Variants in CXCL12 observed in about 807,000 individuals in gnomAD.
The protein encoded by CXCL12 is C-X-C motif chemokine ligand 12, also known as stromal cell-derived factor 1.
In CXCL12, 4 loss-of-function variants were observed where a neutral mutation model predicts 10.7. The observed-to-expected ratio is 0.37, with a 90% confidence interval of 0.18 to 0.86. CXCL12 has a LOEUF of 0.86. Ranked by LOEUF, CXCL12 falls within the 40% of genes least tolerant of loss-of-function variation. CXCL12 has a pLI of 0.43. For missense variants in CXCL12, 122 were observed against 110.4 expected (o/e 1.10, Z -0.47); for synonymous variants, 54 against 45.4 (o/e 1.19, Z -0.77).
chr10:44,383,512 T>C (rs1157329904), intron 1 of CXCL12, among the ~76,000 whole-genome samples: 1 of 144,420 alleles, frequency 6.9e-6, no homozygotes, highest in Non-Finnish European at 1.5e-5. Context: ...ACCTCCGCGC[T>C]CATCCCACCA....
Position 44,380,555 on chromosome 10 carries a change from T to G in CXCL12, c.179+208A>C, listed in dbSNP as rs193171525. On this transcript the variant is annotated intron_variant, in intron 2 of 2. Coordinates refer to ENST00000343575, the MANE Select transcript of CXCL12 (RefSeq NM_199168.4). ...GAGAACTACTACGAGCACAGCAGGG[T>G]GCCCAGGCCAAGAGCGGCTTTTAAA... The G allele has an allele frequency of 9.2e-5, 53 of 577,654 alleles. 1 individual carries two copies. The highest frequency in any genetic ancestry group is 8.2e-4 in the African/African-American group (44 of 53,642). 35.8% of individuals were successfully genotyped at this position (577,654 alleles called of 1,614,324 possible). A position where few individuals can be genotyped will look rare whatever the true frequency, so the allele number is the denominator to read the frequency against.
downstream of CXCL12, chr10:44,373,422 G>C: frequency 7.7e-7 from 1 of 1,297,162 alleles, no homozygotes; most frequent in Non-Finnish European, 1.1e-6. Flanking sequence ...ACAGCGGCCT[G>C]CGCGGAGGCC....
chr10:44,382,246 C>G (rs1267949494), intron 1 of CXCL12, among the ~76,000 whole-genome samples: 1 of 152,222 alleles, frequency 6.6e-6, no homozygotes, highest in Non-Finnish European at 1.5e-5. Context: ...AGAAAGGCAC[C>G]TCTGGGGCCA....
At chr10:44,371,371 G>C (rs753455370), downstream of CXCL12, 2 of 480,664 alleles carry the variant, frequency 4.2e-6, no homozygotes, top group Non-Finnish European at 8.3e-6. Context: ...CAAGTTCTAC[G>C]TGACAGATTT....
chr10:44,374,552 TAA>T (rs1046751646), downstream of CXCL12: 4 of 455,808 alleles, frequency 8.8e-6, no homozygotes, highest in African/African-American at 8.0e-5. Flanking sequence ...GTTGTCCAGG[TAA>T]AAGAGATAGC....
exon 4 of CXCL12, chr10:44,370,713 G>C (rs1379690209): frequency 6.6e-6 from 1 of 152,262 alleles, no homozygotes; most frequent in Non-Finnish European, 1.5e-5. Context: ...TCTAAGGTTG[G>C]GGGAGGTGCA....
Position 44,377,933 on chromosome 10 carries a change from T to C in CXCL12, c.*700A>G, listed in dbSNP as rs762262232. Reference sequence around the variant, plus strand: ...ACAGAAATGAGAAGCAGAAGCAAGATTAAGCATGCTCTCGGAGTCGGGGAG... The same window carrying C: ...ACAGAAATGAGAAGCAGAAGCAAGACTAAGCATGCTCTCGGAGTCGGGGAG... On this transcript the variant is annotated 3_prime_UTR_variant, in exon 3 of 3. Coordinates refer to ENST00000343575, the MANE Select transcript of CXCL12 (RefSeq NM_199168.4). 55 of 1,540,462 alleles carry C rather than the reference T, an allele frequency of 3.6e-5. No individual in the cohort carries two copies. The Middle Eastern group carries it at 2.0e-3, about 55-fold the overall frequency.
At chr10:44,370,369 A>T (rs964944992) in exon 4 of CXCL12, 1 of 152,644 alleles carries the variant, frequency 6.6e-6, no homozygotes, top group Non-Finnish European at 1.5e-5. Flanking sequence ...AAAATACAGT[A>T]TTCATCACAT....
intron 1 of CXCL12, among the ~76,000 whole-genome samples, chr10:44,382,384 G>A (rs1839658998): frequency 6.6e-6 from 1 of 152,330 alleles, no homozygotes; most frequent in South Asian, 2.1e-4. Context: ...ACGCTCCTGA[G>A]TGTTGTGCCT....
downstream of CXCL12, among the ~76,000 whole-genome samples, chr10:44,374,949 T>C (rs1839414769): frequency 6.6e-6 from 1 of 152,128 alleles, no homozygotes; most frequent in Non-Finnish European, 1.5e-5. Flanking sequence ...TACATCTACA[T>C]GGGCAGGGAA....
At chr10:44,380,488 T>A (rs1839597767) in intron 2 of CXCL12, 2 of 382,688 alleles carry the variant, frequency 5.2e-6, no homozygotes, top group Non-Finnish European at 9.6e-6. Flanking sequence ...TTCTCCAGCA[T>A]CCAGCTGTGC....
At chr10:44,384,011 G>C (rs1222141117) in intron 1 of CXCL12, among the ~76,000 whole-genome samples, 1 of 152,260 alleles carries the variant, frequency 6.6e-6, no homozygotes, top group African/African-American at 2.4e-5. Flanking sequence ...TCCTGTGACA[G>C]CGCAGCGAGT....
chr10:44,377,696 A>T lies in CXCL12; in HGVS notation c.*937T>A, dbSNP rs1298079451. ...ACTCAAAGCGAGCTCTCAGATTTAAAATTGCATTTGATTCTGTAAAGACTT... is the reference window on the plus strand; with the variant it reads ...ACTCAAAGCGAGCTCTCAGATTTAATATTGCATTTGATTCTGTAAAGACTT... On this transcript the variant is annotated 3_prime_UTR_variant, in exon 3 of 3. Coordinates refer to ENST00000343575, the MANE Select transcript of CXCL12 (RefSeq NM_199168.4). 1 of 1,595,402 alleles carries T rather than the reference A, an allele frequency of 6.3e-7. No homozygotes were observed. The highest frequency in any genetic ancestry group is 1.7e-5 in the Admixed American group (1 of 59,690).
chr10:44,380,950 A>G lies in CXCL12; in HGVS notation c.62-70T>C, dbSNP rs1396651935. 5.7e-6 allele frequency: 7 copies of G among 1,228,248 alleles called. No individual in the cohort carries two copies. The East Asian group carries it at 7.0e-5, about 12-fold the overall frequency. 76.1% of individuals were successfully genotyped at this position (1,228,248 alleles called of 1,614,324 possible). On this transcript the variant is annotated intron_variant, in intron 1 of 2. Coordinates refer to ENST00000343575, the MANE Select transcript of CXCL12 (RefSeq NM_199168.4). ...TTTTGGTAATGTGTGTCTGGGCTGC[A>G]GCAGTTGGTGCAGCGATTAAGGATC...
Position 44,377,896 on chromosome 10 carries a change from G to A in CXCL12, c.*737C>T, listed in dbSNP as rs375721431. On this transcript the variant is annotated 3_prime_UTR_variant, in exon 3 of 3. Coordinates refer to ENST00000343575, the MANE Select transcript of CXCL12 (RefSeq NM_199168.4). ...TCACCCTCTTCCCGGCTGGTGCGGC[G>A]CTGATCAGGCTACAGAAATGAGAAG... is the stretch of plus-strand genomic sequence containing the variant. The A allele has an allele frequency of 9.2e-4, 1,435 of 1,564,356 alleles. 1 individual carries two copies. The highest frequency in any genetic ancestry group is 1.1e-3 in the Non-Finnish European group (1,314 of 1,163,622).
At position 44,378,280 on chromosome 10, in the gene CXCL12, A is replaced by G. The variant is rs762269712; in HGVS notation, c.*353T>C. On this transcript the variant is annotated 3_prime_UTR_variant, in exon 3 of 3. Coordinates refer to ENST00000343575, the MANE Select transcript of CXCL12 (RefSeq NM_199168.4). The stretch of plus-strand genomic sequence containing the variant: ...ATCTTGAAGTACTCGTTGATTTAAA[A>G]AATGAGAATGAGAATGATGATGATT... 6.8e-7 allele frequency: 1 copy of G among 1,469,386 alleles called. No individual in the cohort carries two copies. The highest frequency in any genetic ancestry group is 9.1e-7 in the Non-Finnish European group (1 of 1,098,910). 91.0% of individuals were successfully genotyped at this position (1,469,386 alleles called of 1,614,324 possible).
Position 44,385,053 on chromosome 10 carries a change from G to C in CXCL12, c.-48C>G, listed in dbSNP as rs1564465805. On this transcript the variant is annotated 5_prime_UTR_variant, in exon 1 of 3. Coordinates refer to ENST00000343575, the MANE Select transcript of CXCL12 (RefSeq NM_199168.4). Reference sequence around the variant, plus strand: ...GGCGGACGAGCGCGGGTCGGGGGCCGGACGCCGAGCGGGCAATGCGGCTGA... The same window carrying C: ...GGCGGACGAGCGCGGGTCGGGGGCCCGACGCCGAGCGGGCAATGCGGCTGA... The C allele has an allele frequency of 1.5e-6, 2 of 1,366,878 alleles. No individual in the cohort carries two copies. The highest frequency in any genetic ancestry group is 1.5e-5 in the African/African-American group (1 of 65,790). 84.7% of individuals were successfully genotyped at this position (1,366,878 alleles called of 1,614,324 possible).
At chr10:44,373,114 G>T (rs576679237), downstream of CXCL12, 3 of 1,534,980 alleles carry the variant, frequency 2.0e-6, no homozygotes, top group South Asian at 3.6e-5. Context: ...GCTACGTGTC[G>T]CCAGTGACAC....
At chr10:44,381,428 G>C (rs1269009547) in intron 1 of CXCL12, among the ~76,000 whole-genome samples, 1 of 151,912 alleles carries the variant, frequency 6.6e-6, no homozygotes, top group Non-Finnish European at 1.5e-5. Context: ...CTAAAGCTCT[G>C]GAAGGCACAA....
Sources: allele counts gnomAD v4.1 joint callset (sites outside exome capture counted in the v4.1 genomes callset), GRCh38; gene constraint gnomAD v4.1.1; transcripts MANE v1.5; gene names NCBI Gene and HGNC (gene_info 2026-07-23, HGNC 2026-07-21).